SEPTIN10: variants seen among roughly 807,000 people sequenced by gnomAD.
SEPTIN10 encodes the protein septin-10.
Under a neutral mutation model 54.8 loss-of-function variants are expected in SEPTIN10, and 66 were observed. The ratio of observed to expected loss-of-function variants is 1.21; its 90% CI spans 0.99 to 1.48. SEPTIN10 has a LOEUF of 1.48. Among genes scored for constraint, SEPTIN10 ranks in the 40% most tolerant of loss-of-function variants. The probability of loss-of-function intolerance (pLI) is 0.00; values close to 1 mark genes in which losing one functional copy is unlikely to be tolerated. For synonymous variants in SEPTIN10, 161 were observed against 181.0 expected, an observed-to-expected ratio of 0.89 and a Z score of 0.89; for missense variants, 620 against 545.6, an observed-to-expected ratio of 1.14 and a Z score of -1.36.
chr2:109,600,218 G>A (rs995953334), intron 1 of SEPTIN10, among the ~76,000 whole-genome samples: 3 of 152,018 alleles, frequency 2.0e-5, no homozygotes, highest in African/African-American at 4.8e-5. Context: ...TTCCTTGCAC[G>A]GCTATTAAGA....
At chr2:109,545,111 A>G in intron 10 of SEPTIN10, 1 of 985,424 alleles carries the variant, frequency 1.0e-6, no homozygotes. Flanking sequence ...ATGCAGTGAG[A>G]GCATTAAACC....
chr2:109,572,855 T>C (rs1354244189), intron 5 of SEPTIN10, among the ~76,000 whole-genome samples: 2 of 152,070 alleles, frequency 1.3e-5, no homozygotes, highest in Non-Finnish European at 2.9e-5. Flanking sequence ...GACCTTGTGA[T>C]CCGCCTGCCT....
rs1680536097 is a variant in SEPTIN10 at position 109,544,047 on chromosome 2, C to T, written c.*262G>A. ...GAATTTTCCACTTGTGGGGTCAAGT[C>T]AGTGCTCAAAAAGATTCAGATTTTG... is the stretch of plus-strand genomic sequence containing the variant. On this transcript the variant is annotated 3_prime_UTR_variant, in exon 11 of 11. Transcript: ENST00000397712. 1 of 1,061,638 alleles carries T rather than the reference C, an allele frequency of 9.4e-7. No homozygotes were observed. The highest frequency in any genetic ancestry group is 1.6e-5 in the African/African-American group (1 of 62,148). 65.8% of individuals were successfully genotyped at this position (1,061,638 alleles called of 1,614,324 possible). A position where few individuals can be genotyped will look rare whatever the true frequency, so the allele number is the denominator to read the frequency against.
In SEPTIN10 at chr2:109,609,418, G is replaced by A. The variant is rs151335678; in HGVS notation, c.30+4380C>T. Among the ~76,000 whole-genome samples, 966 of 152,130 alleles carry A rather than the reference G, an allele frequency of 6.3e-3. 4 individuals carry two copies. The highest frequency in any genetic ancestry group is 0.017 in the South Asian group (80 of 4,804). On this transcript the variant is annotated intron_variant, in intron 1 of 10. Transcript: ENST00000397712. The stretch of plus-strand genomic sequence containing the variant: ...ATGCAGAGTTTACTTGATGCAAAAG[G>A]TTAACAATACAAAAACATAAATTAG...
At chr2:109,604,055 G>A (rs1204271813) in intron 1 of SEPTIN10, among the ~76,000 whole-genome samples, 2 of 151,302 alleles carry the variant, frequency 1.3e-5, no homozygotes, top group East Asian at 2.0e-4. Context: ...CCAGCTACTC[G>A]GGAGGCTGAG....
chr2:109,550,311 C>CT (rs796411788), intron 9 of SEPTIN10, among the ~76,000 whole-genome samples: 220 of 143,248 alleles, frequency 1.5e-3, no homozygotes, highest in Admixed American at 3.8e-3. Flanking sequence ...AAAAAAGTAT[C>CT]TTTTTTTTTT....
intron 1 of SEPTIN10, among the ~76,000 whole-genome samples, chr2:109,600,610 T>C (rs1363824335): frequency 1.3e-5 from 2 of 151,580 alleles, no homozygotes; most frequent in East Asian, 1.9e-4. Flanking sequence ...TGACCAAATG[T>C]GGGAAGTTTT....
chr2:109,545,423 A>C, intron 10 of SEPTIN10: 1 of 1,536,012 alleles, frequency 6.5e-7, no homozygotes, highest in Non-Finnish European at 8.7e-7. Flanking sequence ...TCCACATGCT[A>C]CTCATGGCTG....
At chr2:109,601,098 C>T (rs921911896) in intron 1 of SEPTIN10, among the ~76,000 whole-genome samples, 1 of 152,182 alleles carries the variant, frequency 6.6e-6, no homozygotes, top group African/African-American at 2.4e-5. Flanking sequence ...TAAGGAGCCT[C>T]CATTATACAG....
At chr2:109,612,856 A>C (rs1699552082) in intron 1 of SEPTIN10, among the ~76,000 whole-genome samples, 1 of 152,180 alleles carries the variant, frequency 6.6e-6, no homozygotes, top group South Asian at 2.1e-4. Context: ...TCTATAAAAC[A>C]AACCAACGGT....
chr2:109,551,235 T>G (rs1479223395), intron 9 of SEPTIN10, among the ~76,000 whole-genome samples: 1 of 152,162 alleles, frequency 6.6e-6, no homozygotes, highest in Non-Finnish European at 1.5e-5. Context: ...CATATAGAAA[T>G]ATGGATTTAT....
In SEPTIN10 at chr2:109,613,865, C is replaced by T; in HGVS notation, c.-38G>A. The T allele has an allele frequency of 8.1e-7, 1 of 1,231,704 alleles. No homozygotes were observed. Among genetic ancestry groups the T allele is most frequent in the African/African-American group, 1.6e-5 (1 of 64,284 alleles). 76.3% of individuals were successfully genotyped at this position (1,231,704 alleles called of 1,614,324 possible). A position where few individuals can be genotyped will look rare whatever the true frequency, so the allele number is the denominator to read the frequency against. On this transcript the variant is annotated 5_prime_UTR_variant, in exon 1 of 11. Coordinates refer to ENST00000397712, the MANE Select transcript of SEPTIN10 (RefSeq NM_144710.5). The stretch of plus-strand genomic sequence containing the variant: ...GGGCACGGTGAAGCGGCTGTATCAG[C>T]CCGGCCCCGAGCGGCTGGTCCCGGC...
At chr2:109,585,649 G>T in intron 3 of SEPTIN10, 72 bp downstream of exon 3, 1 of 1,005,172 alleles carries the variant, frequency 9.9e-7, no homozygotes, top group Non-Finnish European at 1.6e-6. Context: ...GCATTGTTCT[G>T]CCCATGACAA....
At chr2:109,567,351 C>G (rs1428779988) in intron 6 of SEPTIN10, among the ~76,000 whole-genome samples, 2 of 152,146 alleles carry the variant, frequency 1.3e-5, no homozygotes. Flanking sequence ...TAGTCACCTT[C>G]CATTGTACTA....
At position 109,574,744 on chromosome 2, in the gene SEPTIN10, A is replaced by T; in HGVS notation, c.437T>A (p.Ile146Lys). Residue 146 changes from isoleucine (I) to lysine (K), a missense_variant, in exon 5 of 11, where the codon ATA becomes AAA. Coordinates refer to ENST00000397712, the MANE Select transcript of SEPTIN10 (RefSeq NM_144710.5). Reference protein sequence around the residue: ...EESYQPIVDYIDAQFEAYLQE... With the variant: ...EESYQPIVDYKDAQFEAYLQE... ...GAGATAGGCCTCAAACTGAGCATCTATGTAGTCAACTATTGGTTGGTAGCT... is the reference window on the plus strand; with the variant it reads ...GAGATAGGCCTCAAACTGAGCATCTTTGTAGTCAACTATTGGTTGGTAGCT... 1 of 1,595,646 alleles carries T rather than the reference A, an allele frequency of 6.3e-7. No homozygotes were observed. Among genetic ancestry groups the T allele is most frequent in the Non-Finnish European group, 8.5e-7 (1 of 1,173,104 alleles).
intron 4 of SEPTIN10, among the ~76,000 whole-genome samples, chr2:109,581,392 G>A (rs1182452785): frequency 1.3e-5 from 2 of 151,794 alleles, no homozygotes; most frequent in Admixed American, 6.6e-5. Flanking sequence ...AGCCGAGATT[G>A]CGCCACTGCA....
intron 1 of SEPTIN10, among the ~76,000 whole-genome samples, chr2:109,612,862 A>G (rs907553755): frequency 6.6e-6 from 1 of 152,222 alleles, no homozygotes; most frequent in African/African-American, 2.4e-5. Flanking sequence ...AAACAAACCA[A>G]CGGTGTCACT....
chr2:109,601,766 A>T (rs969156463), intron 1 of SEPTIN10, among the ~76,000 whole-genome samples: 16 of 112,536 alleles, frequency 1.4e-4, no homozygotes, highest in South Asian at 2.8e-4. Flanking sequence ...CCCTGAAGTT[A>T]AAAAAAAAAA....
intron 4 of SEPTIN10, among the ~76,000 whole-genome samples, chr2:109,575,603 C>T (rs1689511987): frequency 6.6e-6 from 1 of 152,202 alleles, no homozygotes; most frequent in Non-Finnish European, 1.5e-5. Flanking sequence ...GGTGTGTGAG[C>T]ATTCCATTCA....
Sources: gnomAD v4.1 joint callset for allele counts (sites outside exome capture counted in the v4.1 genomes callset) on GRCh38, gnomAD v4.1.1 for gene constraint, MANE v1.5 for transcripts, NCBI Gene and HGNC (gene_info 2026-07-23, HGNC 2026-07-21) for gene names.